ESRP1: variants seen among roughly 807,000 people sequenced by gnomAD.
ESRP1 encodes epithelial splicing regulatory protein 1.
Under a neutral mutation model 81.7 loss-of-function variants are expected in ESRP1, and 33 were observed. The observed-to-expected ratio is 0.40, with a 90% CI of 0.31 to 0.54. The LOEUF (loss-of-function observed/expected upper bound fraction) is 0.54. Among genes scored for constraint, ESRP1 ranks in the 20% least tolerant of loss-of-function variants. The pLI, the probability that ESRP1 is intolerant of heterozygous loss-of-function variation, is 0.41. For synonymous variants in ESRP1, 320 were observed against 303.3 expected, an observed-to-expected ratio of 1.06 and a Z score of -0.57; for missense variants, 672 against 833.1, an observed-to-expected ratio of 0.81 and a Z score of 2.38.
In ESRP1 at chr8:94,655,065, T is replaced by TGTGTG. The variant is rs1554575902; in HGVS notation, c.491-7207_491-7206insGTGTG. 3.9e-3 allele frequency among the ~76,000 whole-genome samples: 577 copies of TGTGTG among 147,624 alleles called. 4 individuals carry two copies. Among genetic ancestry groups the TGTGTG allele is most frequent in the African/African-American group, 0.013 (532 of 40,568 alleles). On this transcript the variant is annotated intron_variant, in intron 4 of 15. Transcript: ENST00000433389. ...GTGTCTGTGAGGTTTTTTGGGTTTT[T>TGTGTG]TGTGTGTGTGTGTGTGTGTGTGTTT... is the stretch of plus-strand genomic sequence containing the variant.
chr8:94,695,348 CTTTTTT>C (rs1177357708), intron 14 of ESRP1, among the ~76,000 whole-genome samples: 14 of 61,170 alleles, frequency 2.3e-4, no homozygotes, highest in African/African-American at 3.6e-4. Context: ...CTTTTTCTTT[CTTTTTT>C]TTTTTTTTTT....
rs58359551 is a variant in ESRP1 at position 94,689,811 on chromosome 8, C to CTTTTTTTTTTTTTTTTTTTTTTTTT, written c.1821-2865_1821-2841dup. Among the ~76,000 whole-genome samples the CTTTTTTTTTTTTTTTTTTTTTTTTT allele has an allele frequency of 9.6e-4, 62 of 64,646 alleles. 6 individuals are homozygous for CTTTTTTTTTTTTTTTTTTTTTTTTT. Among genetic ancestry groups the CTTTTTTTTTTTTTTTTTTTTTTTTT allele is most frequent in the Non-Finnish European group, 1.4e-3 (48 of 33,654 alleles). 42.4% of individuals were successfully genotyped at this position (64,646 alleles called of 152,430 possible). A position where few individuals can be genotyped will look rare whatever the true frequency, so the allele number is the denominator to read the frequency against. On this transcript the variant is annotated intron_variant, in intron 13 of 15. Coordinates refer to ENST00000433389, the MANE Select transcript of ESRP1 (RefSeq NM_017697.4). ...CACAGGCATGTGCTATGATGCCTGG[C>CTTTTTTTTTTTTTTTTTTTTTTTTT]TTTTTTTTTTTTTTTTTTTTTTTTT... is the stretch of plus-strand genomic sequence containing the variant.
chr8:94,674,614 G>T lies in ESRP1; in HGVS notation c.1651+108G>T, dbSNP rs539661239. Reference sequence around the variant, plus strand: ...TGGTTCTTTCTGAGGCAGGTGAGGTGGTTATATAAGGCTCTCCCATCTGTA... The same window carrying T: ...TGGTTCTTTCTGAGGCAGGTGAGGTTGTTATATAAGGCTCTCCCATCTGTA... On this transcript the variant is annotated intron_variant, in intron 12 of 15. Coordinates refer to ENST00000433389, the MANE Select transcript of ESRP1 (RefSeq NM_017697.4). 6.4e-5 allele frequency: 61 copies of T among 958,668 alleles called. No homozygotes were observed. The African/African-American group carries it at 8.6e-4, about 13-fold the overall frequency. 59.4% of individuals were successfully genotyped at this position (958,668 alleles called of 1,614,324 possible).
chr8:94,691,689 T>C (rs774028577), intron 13 of ESRP1, among the ~76,000 whole-genome samples: 1 of 152,192 alleles, frequency 6.6e-6, no homozygotes, highest in Non-Finnish European at 1.5e-5. Context: ...TCAAAGACTT[T>C]TAGTCCCTTC....
intron 6 of ESRP1, among the ~76,000 whole-genome samples, chr8:94,663,648 A>T (rs140959836): frequency 1.3e-5 from 2 of 152,118 alleles, no homozygotes; most frequent in Non-Finnish European, 2.9e-5. Flanking sequence ...ACTCTAATGA[A>T]TTGAGTGTGT....
chr8:94,670,024 G>T (rs1364599861), intron 10 of ESRP1, among the ~76,000 whole-genome samples: 2 of 152,170 alleles, frequency 1.3e-5, no homozygotes, highest in African/African-American at 4.8e-5. Context: ...TATTTGGAAA[G>T]AGAGTTTGTC....
intron 12 of ESRP1, among the ~76,000 whole-genome samples, chr8:94,677,610 G>T (rs1428505399): frequency 6.6e-6 from 1 of 152,112 alleles, no homozygotes; most frequent in Non-Finnish European, 1.5e-5. Flanking sequence ...ATATAAATTA[G>T]CTTCAAAGCC....
At chr8:94,675,316 T>G (rs1473817571) in intron 12 of ESRP1, among the ~76,000 whole-genome samples, 4 of 152,234 alleles carry the variant, frequency 2.6e-5, no homozygotes, top group Non-Finnish European at 5.9e-5. Context: ...GCAGTACAGT[T>G]CAAAGATAAC....
intron 4 of ESRP1, among the ~76,000 whole-genome samples, chr8:94,651,971 A>G (rs926767555): frequency 2.7e-5 from 2 of 73,736 alleles, no homozygotes; most frequent in Non-Finnish European, 5.5e-5. Flanking sequence ...TTGTCTTTGT[A>G]TTTGTTCTAA....
intron 13 of ESRP1, among the ~76,000 whole-genome samples, chr8:94,687,996 T>A (rs1351775844): frequency 6.6e-6 from 1 of 152,194 alleles, no homozygotes. Context: ...GTTTTGTAAG[T>A]GTTTTGTAGT....
chr8:94,651,450 G>A (rs559741777), intron 4 of ESRP1, among the ~76,000 whole-genome samples: 2 of 152,124 alleles, frequency 1.3e-5, no homozygotes, highest in East Asian at 3.9e-4. Context: ...GAGTCACAAA[G>A]TCTGAGCTGA....
chr8:94,685,022 TAAA>T (rs34287340), intron 13 of ESRP1, among the ~76,000 whole-genome samples: 2 of 143,866 alleles, frequency 1.4e-5, no homozygotes, highest in African/African-American at 5.1e-5. Context: ...AGCCTGTCTT[TAAA>T]AAAAAAAAAA....
chr8:94,697,003 A>G, intron 15 of ESRP1, 42 bp downstream of exon 15: 1 of 1,339,876 alleles, frequency 7.5e-7, no homozygotes, highest in Non-Finnish European at 1.0e-6. Context: ...AAAGGGCCAA[A>G]CAGAGATCAA....
chr8:94,664,141 T>TG (rs1818894551), intron 6 of ESRP1, among the ~76,000 whole-genome samples: 5 of 124,588 alleles, frequency 4.0e-5, no homozygotes, highest in Admixed American at 8.7e-5. Context: ...TTTTTTTTTT[T>TG]GAGAGGGAGT....
intron 4 of ESRP1, among the ~76,000 whole-genome samples, chr8:94,654,408 A>G (rs977306584): frequency 1.3e-5 from 2 of 152,152 alleles, no homozygotes; most frequent in African/African-American, 4.8e-5. Flanking sequence ...ACTTGTTACC[A>G]AGGAGTCTCC....
intron 13 of ESRP1, among the ~76,000 whole-genome samples, chr8:94,689,984 T>A (rs1260696230): frequency 6.6e-6 from 1 of 151,568 alleles, no homozygotes; most frequent in South Asian, 2.1e-4. Context: ...GCTCGGCTAA[T>A]TTTTTTGTAT....
intron 15 of ESRP1, among the ~76,000 whole-genome samples, chr8:94,703,729 A>G (rs1239388894): frequency 6.6e-6 from 1 of 152,142 alleles, no homozygotes; most frequent in African/African-American, 2.4e-5. Context: ...ACCCCTAGCA[A>G]CACTTGGCCT....
rs533304898 is a variant in ESRP1, at chr8:94,642,060, G to A, written c.237G>A (p.Ser79=). The A allele has an allele frequency of 2.4e-4, 393 of 1,612,888 alleles. No homozygotes were observed. In the East Asian group the frequency reaches 7.0e-3, roughly 29 times the overall value. The stretch of plus-strand genomic sequence containing the variant: ...ACGTCGAAAGCCTGTCCTCGGCGTC[G>A]CAGCTGGACCAAGCCCTCCGACAGG... ...KIDVESLSSA[S]QLDQALRQFN... is the part of the protein sequence containing the mutation. The change falls in exon 2 of 16, where the codon TCG becomes TCA. Residue 79 remains serine (S), a synonymous_variant. Coordinates refer to ENST00000433389, the MANE Select transcript of ESRP1 (RefSeq NM_017697.4).
chr8:94,643,194 C>T (rs1817698060), intron 2 of ESRP1, 109 bp from the exon 3 acceptor site: 1 of 690,312 alleles, frequency 1.4e-6, no homozygotes, highest in Non-Finnish European at 2.6e-6. Context: ...CGGTGTCACC[C>T]ATCAGGGCCC....
Sources: gnomAD v4.1 joint callset for allele counts (sites outside exome capture counted in the v4.1 genomes callset) on GRCh38, gnomAD v4.1.1 for gene constraint, MANE v1.5 for transcripts, NCBI Gene and HGNC (gene_info 2026-07-23, HGNC 2026-07-21) for gene names.